Variants in MARCHF5 observed in about 807,000 individuals in gnomAD.
MARCHF5 encodes the protein E3 ubiquitin-protein ligase MARCHF5.
MARCHF5 carries 5 observed loss-of-function variants against 36.5 expected under a neutral mutation model. The observed-to-expected ratio is 0.14, with a 90% CI of 0.07 to 0.29. The LOEUF (loss-of-function observed/expected upper bound fraction) is 0.29. MARCHF5 is among the 10% of genes least tolerant of loss of function. MARCHF5 has a pLI of 1.00. For synonymous variants in MARCHF5, 103 were observed against 109.9 expected, an observed-to-expected ratio of 0.94 and a Z score of 0.39; for missense variants, 179 against 336.3, an observed-to-expected ratio of 0.53 and a Z score of 3.66.
rs1319032796 is a variant in MARCHF5, at chr10:92,353,613, A to G, written c.*2406A>G. The G allele has an allele frequency of 6.6e-6, 1 of 152,530 alleles. No homozygotes were observed. The highest frequency in any genetic ancestry group is 1.9e-4 in the East Asian group (1 of 5,194). The allele number at this position is 152,530 out of a possible 1,614,324, so 9.4% of individuals were successfully genotyped here. A position where few individuals can be genotyped will look rare whatever the true frequency, so the allele number is the denominator to read the frequency against. On this transcript the variant is annotated 3_prime_UTR_variant, in exon 6 of 6. Coordinates refer to ENST00000358935, the MANE Select transcript of MARCHF5 (RefSeq NM_017824.5). ...AAGAAAGGCATTGGGGACAAATGAAAGAGATGATGTAGATTTTTCGGATGG... is the reference window on the plus strand; with the variant it reads ...AAGAAAGGCATTGGGGACAAATGAAGGAGATGATGTAGATTTTTCGGATGG...
intron 2 of MARCHF5, among the ~76,000 whole-genome samples, chr10:92,324,326 C>T (rs185646019): frequency 4.5e-4 from 68 of 152,130 alleles, no homozygotes; most frequent in Non-Finnish European, 7.6e-4. Flanking sequence ...TTCTCATTCT[C>T]TTAATCTTTC....
intron 2 of MARCHF5, among the ~76,000 whole-genome samples, chr10:92,320,565 T>C (rs1843278811): frequency 6.6e-6 from 1 of 152,056 alleles, no homozygotes; most frequent in African/African-American, 2.4e-5. Flanking sequence ...ATCCTGACCC[T>C]GTGTAGGCCT....
intron 2 of MARCHF5, among the ~76,000 whole-genome samples, chr10:92,319,444 C>T (rs995339104): frequency 3.4e-5 from 5 of 148,998 alleles, no homozygotes; most frequent in Non-Finnish European, 6.0e-5. Flanking sequence ...TACAGGCGCA[C>T]GCCACCATGC....
chr10:92,295,430 C>G (rs1842938729), intron 1 of MARCHF5, among the ~76,000 whole-genome samples: 2 of 134,730 alleles, frequency 1.5e-5, no homozygotes, highest in Non-Finnish European at 3.2e-5. Flanking sequence ...TTTTTTGAGA[C>G]AGAGTCTCGC....
chr10:92,324,385 G>A (rs555605337), intron 2 of MARCHF5, among the ~76,000 whole-genome samples: 11 of 151,370 alleles, frequency 7.3e-5, no homozygotes, highest in Non-Finnish European at 1.2e-4. Flanking sequence ...TTTATGAGAC[G>A]GAGTCTCACT....
intron 3 of MARCHF5, among the ~76,000 whole-genome samples, chr10:92,343,115 C>T (rs1843598128): frequency 2.0e-5 from 3 of 152,222 alleles, no homozygotes; most frequent in Non-Finnish European, 2.9e-5. Flanking sequence ...CCTCTGTAAT[C>T]GTACTTCGTT....
At chr10:92,308,958 G>C (rs1281107886) in intron 1 of MARCHF5, among the ~76,000 whole-genome samples, 1 of 152,138 alleles carries the variant, frequency 6.6e-6, no homozygotes, top group Non-Finnish European at 1.5e-5. Flanking sequence ...GCCCGCTTCA[G>C]CCTCCCAAAG....
At chr10:92,344,288 C>G (rs184839071) in intron 3 of MARCHF5, among the ~76,000 whole-genome samples, 1 of 152,142 alleles carries the variant, frequency 6.6e-6, no homozygotes, top group African/African-American at 2.4e-5. Flanking sequence ...GGGCAGAAGA[C>G]TATATAAACA....
intron 1 of MARCHF5, among the ~76,000 whole-genome samples, chr10:92,293,268 C>CTAAT (rs1842911929): frequency 6.6e-6 from 1 of 151,938 alleles, no homozygotes; most frequent in African/African-American, 2.4e-5. Flanking sequence ...CCATGCCCAG[C>CTAAT]TAATTTTTTG....
At chr10:92,346,556 T>C (rs1173156658) in intron 3 of MARCHF5, among the ~76,000 whole-genome samples, 2 of 141,638 alleles carry the variant, frequency 1.4e-5, no homozygotes, top group Non-Finnish European at 1.5e-5. Flanking sequence ...TGGTGCAATC[T>C]CGGCTCACTG....
intron 2 of MARCHF5, among the ~76,000 whole-genome samples, chr10:92,331,880 CATAT>C (rs1265954493): frequency 2.8e-5 from 1 of 36,170 alleles, no homozygotes; most frequent in East Asian, 6.9e-4. Flanking sequence ...TATATATAAT[CATAT>C]ATATGTATAT....
At chr10:92,348,642 T>G (rs1447140021) in intron 3 of MARCHF5, among the ~76,000 whole-genome samples, 1 of 152,162 alleles carries the variant, frequency 6.6e-6, no homozygotes, top group Non-Finnish European at 1.5e-5. Flanking sequence ...GCCCCAAGAC[T>G]AGGATAGGGT....
chr10:92,327,824 A>T (rs1360454612), intron 2 of MARCHF5, among the ~76,000 whole-genome samples: 1 of 152,166 alleles, frequency 6.6e-6, no homozygotes, highest in East Asian at 1.9e-4. Flanking sequence ...GAAGAGATAA[A>T]CAGGGCGAAG....
intron 2 of MARCHF5, among the ~76,000 whole-genome samples, chr10:92,316,539 T>G (rs912712651): frequency 9.2e-5 from 14 of 152,134 alleles, no homozygotes; most frequent in African/African-American, 3.1e-4. Flanking sequence ...CCACCCCACT[T>G]TTACTGAATA....
rs117248938 is a variant in MARCHF5, at chr10:92,346,859, C to G, written c.370-2490C>G. 7.8e-3 allele frequency among the ~76,000 whole-genome samples: 1,192 copies of G among 152,220 alleles called. 12 individuals are homozygous for G. Among genetic ancestry groups the G allele is most frequent in the Non-Finnish European group, 0.011 (727 of 68,016 alleles). Reference sequence around the variant, plus strand: ...GCTACCCATGAGAAACAAACTTCCTCTTGTTCGCTCTAGTCTATACCTGAA... The same window carrying G: ...GCTACCCATGAGAAACAAACTTCCTGTTGTTCGCTCTAGTCTATACCTGAA... On this transcript the variant is annotated intron_variant, in intron 3 of 5. Coordinates refer to ENST00000358935, the MANE Select transcript of MARCHF5 (RefSeq NM_017824.5).
rs1208878269 is a variant in MARCHF5 at position 92,353,461 on chromosome 10, C to G, written c.*2254C>G. 6.6e-6 allele frequency: 1 copy of G among 152,118 alleles called. No individual in the cohort carries two copies. Among genetic ancestry groups the G allele is most frequent in the African/African-American group, 2.4e-5 (1 of 41,410 alleles). 9.4% of individuals were successfully genotyped at this position (152,118 alleles called of 1,614,324 possible). The stretch of plus-strand genomic sequence containing the variant: ...TAATGTTTATCTCAGAAGACTATTT[C>G]TAGGATTAACTGAGAGATTAAAGGA... On this transcript the variant is annotated 3_prime_UTR_variant, in exon 6 of 6. Coordinates refer to ENST00000358935, the MANE Select transcript of MARCHF5 (RefSeq NM_017824.5).
At chr10:92,305,318 AT>A (rs1356776098) in intron 1 of MARCHF5, among the ~76,000 whole-genome samples, 5 of 151,922 alleles carry the variant, frequency 3.3e-5, no homozygotes, top group African/African-American at 1.2e-4. Flanking sequence ...GAGACAGGAG[AT>A]TTGCTTGAAC....
intron 1 of MARCHF5, among the ~76,000 whole-genome samples, chr10:92,295,916 A>G (rs1842944976): frequency 1.3e-5 from 2 of 150,686 alleles, no homozygotes; most frequent in African/African-American, 4.9e-5. Flanking sequence ...CTTGTTGCCC[A>G]GGCTGCTGGA....
chr10:92,341,514 A>T (rs935015539), intron 3 of MARCHF5, among the ~76,000 whole-genome samples: 1 of 152,298 alleles, frequency 6.6e-6, no homozygotes, highest in African/African-American at 2.4e-5. Context: ...TTAGAGAGAC[A>T]TAAATTTCAA....
Sources: gnomAD v4.1 joint callset for allele counts (sites outside exome capture counted in the v4.1 genomes callset) on GRCh38, gnomAD v4.1.1 for gene constraint, MANE v1.5 for transcripts, NCBI Gene and HGNC (gene_info 2026-07-23, HGNC 2026-07-21) for gene names.